DMXL2: variants seen among roughly 807,000 people sequenced by gnomAD.
DMXL2 encodes the protein dmX-like protein 2.
Under a neutral mutation model 331.1 loss-of-function variants are expected in DMXL2, and 103 were observed. The ratio of observed to expected loss-of-function variants is 0.31; its 90% CI spans 0.27 to 0.37. DMXL2 has a LOEUF of 0.37. Ranked by LOEUF, DMXL2 falls within the 10% of genes least tolerant of loss-of-function variation. The pLI is 1.00. For missense variants in DMXL2, 3,171 were observed against 3,642.9 expected, an observed-to-expected ratio of 0.87 and a Z score of 3.33; for synonymous variants, 1,281 against 1,252.1, an observed-to-expected ratio of 1.02 and a Z score of -0.49.
chr15:51,608,791 A>G (rs1343009020), intron 1 of DMXL2, among the ~76,000 whole-genome samples: 3 of 152,202 alleles, frequency 2.0e-5, no homozygotes, highest in Non-Finnish European at 4.4e-5. Flanking sequence ...AGACAAACAA[A>G]AGACAACATT....
chr15:51,564,080 A>G, intron 5 of DMXL2, 45 bp downstream of exon 5: 1 of 1,540,262 alleles, frequency 6.5e-7, no homozygotes, highest in Non-Finnish European at 8.7e-7. Flanking sequence ...TTTAGGAAGC[A>G]CTTGCTTTTA....
chr15:51,561,729 C>T (rs2049985197), intron 6 of DMXL2, among the ~76,000 whole-genome samples: 1 of 152,188 alleles, frequency 6.6e-6, no homozygotes, highest in Admixed American at 6.5e-5. Context: ...GATAGCTACA[C>T]TCCCATGTTT....
In DMXL2 at chr15:51,480,111, G is replaced by A. The variant is rs2041900831; in HGVS notation, c.6593C>T (p.Pro2198Leu). The change falls in exon 25 of 44, where the codon CCA becomes CTA. Residue 2198 changes from proline (P) to leucine (L), a missense_variant. Pro to Leu is a moderately conservative substitution (Grantham distance 98). Coordinates refer to ENST00000560891, the MANE Select transcript of DMXL2 (RefSeq NM_001378457.1). Reference sequence around the variant, plus strand: ...AGGTAGGGTGGTAGGCAGTGGTAGTGGAGACTGGAGCTGCTTTACTGTAGT... The same window carrying A: ...AGGTAGGGTGGTAGGCAGTGGTAGTAGAGACTGGAGCTGCTTTACTGTAGT... ...QETTVKQLQS[P>L]LPLPTTLPLL... is the part of the protein sequence containing the mutation. 2 of 1,573,694 alleles carry A rather than the reference G, an allele frequency of 1.3e-6. No individual in the cohort carries two copies. The highest frequency in any genetic ancestry group is 1.4e-5 in the African/African-American group (1 of 74,028).
intron 6 of DMXL2, among the ~76,000 whole-genome samples, chr15:51,549,742 G>T (rs1319186416): frequency 1.3e-5 from 2 of 152,096 alleles, no homozygotes; most frequent in Non-Finnish European, 2.9e-5. Context: ...ATGCTTGTCA[G>T]CCATTTGTAT....
rs71127197 is a variant in DMXL2, at chr15:51,566,232, GGTGTGTGTGTGTGTGTGT to G, written c.286-1084_286-1067del. On this transcript the variant is annotated intron_variant, in intron 3 of 43. Transcript: ENST00000560891. ...ATATCTAAAAAAAATGTGTGTGTGG[GGTGTGTGTGTGTGTGTGT>G]GTGTGTGTGTGTGTGTGTGTGTGTG... 3.0e-3 allele frequency among the ~76,000 whole-genome samples: 441 copies of G among 144,838 alleles called. 5 individuals carry two copies. The highest frequency in any genetic ancestry group is 9.1e-3 in the African/African-American group (353 of 38,766).
chr15:51,609,616 A>G (rs2053822913), intron 1 of DMXL2, among the ~76,000 whole-genome samples: 1 of 152,172 alleles, frequency 6.6e-6, no homozygotes, highest in African/African-American at 2.4e-5. Context: ...TATAGCCTAG[A>G]TATGTTCTAG....
chr15:51,476,735 TCA>T lies in DMXL2; in HGVS notation c.6834-18_6834-17del, dbSNP rs1567001701. On this transcript the variant is annotated splice_polypyrimidine_tract_variant and intron_variant, in intron 26 of 43. Coordinates refer to ENST00000560891, the MANE Select transcript of DMXL2 (RefSeq NM_001378457.1). Reference sequence around the variant, plus strand: ...TGTTTGACTGCTAAAACAAATAGGTTCAGTTATTTATCATCCTGAGAGGTAAT... The same window carrying T: ...TGTTTGACTGCTAAAACAAATAGGTTGTTATTTATCATCCTGAGAGGTAAT... The T allele has an allele frequency of 1.3e-6, 2 of 1,585,850 alleles. No individual in the cohort carries two copies. The highest frequency in any genetic ancestry group is 2.4e-5 in the South Asian group (2 of 84,706).
intron 6 of DMXL2, among the ~76,000 whole-genome samples, chr15:51,555,648 A>C (rs1350497702): frequency 6.6e-6 from 1 of 152,170 alleles, no homozygotes; most frequent in Admixed American, 6.5e-5. Context: ...GGGAAGGCAT[A>C]AATAATATCA....
At chr15:51,537,370 C>A in intron 11 of DMXL2, 118 bp downstream of exon 11, 1 of 907,852 alleles carries the variant, frequency 1.1e-6, no homozygotes, top group Non-Finnish European at 1.6e-6. Context: ...ATTCTTTACT[C>A]AGATGCTTAT....
chr15:51,458,843 T>A lies in DMXL2; in HGVS notation c.7990-48A>T, dbSNP rs201518154. 19 of 1,472,194 alleles carry A rather than the reference T, an allele frequency of 1.3e-5. 1 individual carries two copies. The highest frequency in any genetic ancestry group is 1.7e-4 in the Middle Eastern group (1 of 5,806). 91.2% of individuals were successfully genotyped at this position (1,472,194 alleles called of 1,614,324 possible). A position where few individuals can be genotyped will look rare whatever the true frequency, so the allele number is the denominator to read the frequency against. ...TTTAGTTGCTGCAGCACAGCTCTAT[T>A]TAGAGTTATGCACATCCCATAAGAT... On this transcript the variant is annotated intron_variant, in intron 34 of 43. Coordinates refer to ENST00000560891, the MANE Select transcript of DMXL2 (RefSeq NM_001378457.1).
intron 6 of DMXL2, among the ~76,000 whole-genome samples, chr15:51,560,566 A>C (rs1253640779): frequency 6.8e-6 from 1 of 147,580 alleles, no homozygotes; most frequent in African/African-American, 2.5e-5. Flanking sequence ...CTGTATTCCC[A>C]GCTGAGGCAG....
chr15:51,539,393 T>C (rs1164321276), intron 9 of DMXL2, among the ~76,000 whole-genome samples: 1 of 152,116 alleles, frequency 6.6e-6, no homozygotes, highest in Admixed American at 6.6e-5. Context: ...GAAACTTTAC[T>C]AAATAGCTGT....
intron 6 of DMXL2, among the ~76,000 whole-genome samples, chr15:51,550,953 C>T (rs919491334): frequency 6.6e-6 from 1 of 151,922 alleles, no homozygotes; most frequent in African/African-American, 2.4e-5. Flanking sequence ...ATTAAAAATC[C>T]TGGAAGTAAT....
intron 1 of DMXL2, among the ~76,000 whole-genome samples, chr15:51,596,616 G>A (rs1329939916): frequency 2.0e-5 from 3 of 152,180 alleles, no homozygotes; most frequent in Non-Finnish European, 2.9e-5. Flanking sequence ...AAAGACACAT[G>A]CACACATATG....
intron 29 of DMXL2, among the ~76,000 whole-genome samples, chr15:51,470,337 T>C (rs1030538298): frequency 2.6e-5 from 4 of 152,098 alleles, no homozygotes; most frequent in African/African-American, 9.7e-5. Context: ...GTCTATGTTG[T>C]CCAGGCTGGT....
In DMXL2 at chr15:51,498,762, T is replaced by C; in HGVS notation, c.4462A>G (p.Lys1488Glu). The C allele has an allele frequency of 6.2e-7, 1 of 1,614,184 alleles. No individual in the cohort carries two copies. Among genetic ancestry groups the C allele is most frequent in the Middle Eastern group, 1.6e-4 (1 of 6,062 alleles). The stretch of plus-strand genomic sequence containing the variant: ...ATTACTTTTGATTTGTTTTCTCTCT[T>C]TTCAGGCTCTAAATCAATATCATCC... ...PTDDIDLEPE[K>E]RENKSKVINL... is the part of the protein sequence containing the mutation. The change falls in exon 18 of 44, where the codon AAG (lysine) becomes GAG (glutamate). Residue 1488 changes from lysine to glutamate, a missense_variant. By Grantham distance (56) the Lys-to-Glu change is moderately conservative. This residue lies in a region of DMXL2 where 1,674 missense variants were observed against 1,780.2 expected (regional missense o/e 0.94). Transcript: ENST00000560891.
chr15:51,508,876 A>C (rs560439475), intron 15 of DMXL2, among the ~76,000 whole-genome samples: 1 of 152,362 alleles, frequency 6.6e-6, no homozygotes, highest in East Asian at 1.9e-4. Context: ...TAAAATTGGA[A>C]AATCATAATT....
At chr15:51,581,308 C>A (rs937422809) in intron 1 of DMXL2, among the ~76,000 whole-genome samples, 1 of 152,148 alleles carries the variant, frequency 6.6e-6, no homozygotes, top group African/African-American at 2.4e-5. Flanking sequence ...ATCCCAAAAC[C>A]ATCCCTCTCC....
chr15:51,571,492 GCAC>G (rs1012503445), intron 2 of DMXL2, among the ~76,000 whole-genome samples: 50 of 152,122 alleles, frequency 3.3e-4, no homozygotes, highest in African/African-American at 1.2e-3. Context: ...ATTCTTCTCA[GCAC>G]CACATCACAC....
Sources: allele counts gnomAD v4.1 joint callset (sites outside exome capture counted in the v4.1 genomes callset), GRCh38; gene constraint gnomAD v4.1.1; regional missense constraint gnomAD v4.1.1; transcripts MANE v1.5; gene names NCBI Gene and HGNC (gene_info 2026-07-23, HGNC 2026-07-21).